The following TMEM129 variants were observed in gnomAD, a reference collection of about 807,000 sequenced individuals.
TMEM129 encodes transmembrane protein 129, E3 ubiquitin ligase, also known as E3 ubiquitin-protein ligase TM129.
Under a neutral mutation model 34.1 loss-of-function variants are expected in TMEM129, and 35 were observed. The observed-to-expected ratio is 1.03, with a 90% CI of 0.78 to 1.36. The LOEUF is 1.36. Ranked by LOEUF, TMEM129 falls within the 40% of genes most tolerant of loss-of-function variation. TMEM129 has a pLI of 0.00. For synonymous variants in TMEM129, 239 were observed against 217.3 expected (o/e 1.10, Z -0.88); for missense variants, 504 against 512.6 (o/e 0.98, Z 0.16).
intron 1 of TMEM129, among the ~76,000 whole-genome samples, chr4:1,719,804 C>G (rs1332600918): frequency 6.6e-6 from 1 of 152,180 alleles, no homozygotes; most frequent in Admixed American, 6.5e-5. Context: ...CCAGCCCACC[C>G]TCTCCATGAG....
intron 1 of TMEM129, 180 bp from the exon 2 acceptor site, chr4:1,718,806 T>C (rs1717122543): frequency 2.9e-6 from 4 of 1,402,270 alleles, no homozygotes; most frequent in East Asian, 2.6e-5. Flanking sequence ...AAAGGCAGGA[T>C]ATATTAGCGG....
Position 1,716,839 on chromosome 4 carries a change from G to A in TMEM129, c.*341C>T, listed in dbSNP as rs565027359. ...AAGTAAGGCAAATGGCCCAGATGACGACCACCTGGGGTAGACCCAGGGTCT... is the reference window on the plus strand; with the variant it reads ...AAGTAAGGCAAATGGCCCAGATGACAACCACCTGGGGTAGACCCAGGGTCT... On this transcript the variant is annotated 3_prime_UTR_variant, in exon 4 of 4. Coordinates refer to ENST00000382936, the MANE Select transcript of TMEM129 (RefSeq NM_001127266.2). 131 of 294,698 alleles carry A rather than the reference G, an allele frequency of 4.4e-4. 2 individuals carry two copies. The South Asian group carries it at 5.9e-3, about 13-fold the overall frequency. 18.3% of individuals were successfully genotyped at this position (294,698 alleles called of 1,614,324 possible).
chr4:1,718,664 G>A (rs1717114672), intron 1 of TMEM129, 38 bp from the exon 2 acceptor site: 16 of 1,437,380 alleles, frequency 1.1e-5, no homozygotes, highest in Non-Finnish European at 1.5e-5. Flanking sequence ...GAAAGTGAGT[G>A]GCAGGCCGCT....
At chr4:1,717,850 C>T (rs554437710) in intron 2 of TMEM129, 175 bp from the exon 3 acceptor site, 4 of 883,170 alleles carry the variant, frequency 4.5e-6, no homozygotes, top group East Asian at 2.7e-5. Flanking sequence ...ACGGGACGGA[C>T]CTAGGAGCAA....
chr4:1,718,830 T>C, intron 1 of TMEM129: 1 of 1,395,284 alleles, frequency 7.2e-7, no homozygotes. Flanking sequence ...AGGTTTTTAA[T>C]TTGCTGCTTT....
chr4:1,718,660 G>T, intron 1 of TMEM129, 34 bp from the exon 2 acceptor site: 1 of 1,438,626 alleles, frequency 7.0e-7, no homozygotes. Flanking sequence ...AGGGGAAAGT[G>T]AGTGGCAGGC....
chr4:1,718,992 TGAG>T, intron 1 of TMEM129: 1 of 1,267,270 alleles, frequency 7.9e-7, no homozygotes, highest in Non-Finnish European at 1.0e-6. Context: ...TCACCCGCTC[TGAG>T]GAGGCTGATC....
At chr4:1,717,866 C>CT in intron 2 of TMEM129, 191 bp from the exon 3 acceptor site, 1 of 781,470 alleles carries the variant, frequency 1.3e-6, no homozygotes, top group South Asian at 2.0e-5. Context: ...AGCAAGGCAG[C>CT]TGTCCAGCCT....
At position 1,720,588 on chromosome 4, in the gene TMEM129, C is replaced by G. The variant is rs1577200115; in HGVS notation, c.205+45G>C. ...GGCCTCCTCCTGACCTCCCAGCAAGCCCTGCGCAGGAGAGGATGCGGCCGG... is the reference window on the plus strand; with the variant it reads ...GGCCTCCTCCTGACCTCCCAGCAAGGCCTGCGCAGGAGAGGATGCGGCCGG... On this transcript the variant is annotated intron_variant, in intron 1 of 3. Coordinates refer to ENST00000382936, the MANE Select transcript of TMEM129 (RefSeq NM_001127266.2). The surrounding 1 kb of genome is among the most constrained non-coding windows in gnomAD (Gnocchi z 4.4). 2 of 1,512,684 alleles carry G rather than the reference C, an allele frequency of 1.3e-6. No homozygotes were observed. The highest frequency in any genetic ancestry group is 1.8e-6 in the Non-Finnish European group (2 of 1,134,140). The allele number at this position is 1,512,684 out of a possible 1,614,324, so 93.7% of individuals were successfully genotyped here. A position where few individuals can be genotyped will look rare whatever the true frequency, so the allele number is the denominator to read the frequency against.
In TMEM129 at chr4:1,717,142, G is replaced by A; in HGVS notation, c.*38C>T. On this transcript the variant is annotated 3_prime_UTR_variant, in exon 4 of 4. Transcript: ENST00000382936. ...ACCCCCTTCCCTGCCCTGTGGCTTT[G>A]GGGGGAGACACAGAGTCACCTCAAG... 7.1e-7 allele frequency: 1 copy of A among 1,404,514 alleles called. No individual in the cohort carries two copies. The highest frequency in any genetic ancestry group is 9.3e-7 in the Non-Finnish European group (1 of 1,078,730). 87.0% of individuals were successfully genotyped at this position (1,404,514 alleles called of 1,614,324 possible).
At position 1,721,100 on chromosome 4, in the gene TMEM129, CGCCGCTCG is replaced by C. The variant is rs1361703660; in HGVS notation, c.-271_-264del. 1.5e-5 allele frequency: 4 copies of C among 268,380 alleles called. No homozygotes were observed. Among genetic ancestry groups the C allele is most frequent in the Admixed American group, 1.1e-4 (2 of 18,206 alleles). 16.6% of individuals were successfully genotyped at this position (268,380 alleles called of 1,614,324 possible). A position where few individuals can be genotyped will look rare whatever the true frequency, so the allele number is the denominator to read the frequency against. ...CGGGGCACTCTAGGGCATGGAGTCCCGCCGCTCGGCCGCTCGCGGGGCGCTCTGGGAGA... is the reference window on the plus strand; with the variant it reads ...CGGGGCACTCTAGGGCATGGAGTCCCGCCGCTCGCGGGGCGCTCTGGGAGA... On this transcript the variant is annotated 5_prime_UTR_variant, in exon 1 of 4. It removes the in-frame stop codon of an upstream open reading frame in the 5' UTR. Transcript: ENST00000382936.
Position 1,720,721 on chromosome 4 carries a change from G to A in TMEM129, c.117C>T (p.Gly39=). Residue 39 remains glycine (G), a synonymous_variant, in exon 1 of 4, where the codon GGC becomes GGT. Coordinates refer to ENST00000382936, the MANE Select transcript of TMEM129 (RefSeq NM_001127266.2). The surrounding 1 kb of genome is among the most constrained non-coding windows in gnomAD (Gnocchi z 4.4). The stretch of plus-strand genomic sequence containing the variant: ...AGGCGGCGTCCTCGCTGCCCAGCCA[G>A]CCCGACAGCAGGTTCTGCACCGTGA... ...AGLTVQNLLS[G]WLGSEDAAFV... The A allele has an allele frequency of 5.8e-6, 9 of 1,562,852 alleles. No homozygotes were observed. The highest frequency in any genetic ancestry group is 7.8e-6 in the Non-Finnish European group (9 of 1,155,256).
chr4:1,721,204 G>T lies in TMEM129; in HGVS notation c.-367C>A. The T allele has an allele frequency of 5.7e-6, 1 of 175,566 alleles. No individual in the cohort carries two copies. Among genetic ancestry groups the T allele is most frequent in the Non-Finnish European group, 1.2e-5 (1 of 84,824 alleles). 10.9% of individuals were successfully genotyped at this position (175,566 alleles called of 1,614,324 possible). On this transcript the variant is annotated 5_prime_UTR_variant, in exon 1 of 4. An upstream open reading frame in the 5' UTR gains an earlier in-frame stop. Coordinates refer to ENST00000382936, the MANE Select transcript of TMEM129 (RefSeq NM_001127266.2). ...AGGCGGCACCGCACCTGTGCATTGAGCACAGGTGGGGAAACTTAGGCCTGA... is the reference window on the plus strand; with the variant it reads ...AGGCGGCACCGCACCTGTGCATTGATCACAGGTGGGGAAACTTAGGCCTGA...
At chr4:1,719,147 AGCCATGGAGAT>A in intron 1 of TMEM129, 1 of 876,146 alleles carries the variant, frequency 1.1e-6, no homozygotes, top group Admixed American at 2.3e-5. Context: ...GGTCCAAATA[AGCCATGGAGAT>A]GGTGAGGAGT....
chr4:1,719,294 C>T, intron 1 of TMEM129: 1 of 451,190 alleles, frequency 2.2e-6, no homozygotes, highest in Non-Finnish European at 4.5e-6. Context: ...TGGCTCACAC[C>T]TGTAATCCCA....
At chr4:1,718,057 C>A in intron 2 of TMEM129, 95 bp downstream of exon 2, 1 of 1,190,634 alleles carries the variant, frequency 8.4e-7, no homozygotes, top group Non-Finnish European at 1.2e-6. Flanking sequence ...GAGTCCACAC[C>A]AGCTACACCC....
Position 1,717,620 on chromosome 4 carries a change from T to C in TMEM129, c.736A>G (p.Arg246Gly). 6.5e-7 allele frequency: 1 copy of C among 1,548,168 alleles called. No individual in the cohort carries two copies. The highest frequency in any genetic ancestry group is 8.7e-7 in the Non-Finnish European group (1 of 1,145,532). ...LCEKLRAPIRRAAHVVIHQSL... is the reference protein window; with the variant it reads ...LCEKLRAPIRGAAHVVIHQSL... ...TGGTGGATGACCACATGGGCTGCCC[T>C]GCGGATGGGTGCCCGGAGCTTCTCG... Residue 246 changes from arginine to glycine, a missense_variant, in exon 3 of 4, where the codon AGG becomes GGG. Physicochemically the swap from Arg to Gly is moderately radical, Grantham distance 125. Coordinates refer to ENST00000382936, the MANE Select transcript of TMEM129 (RefSeq NM_001127266.2).
In TMEM129 at chr4:1,716,841, C is replaced by G. The variant is rs1356293508; in HGVS notation, c.*339G>C. 4 of 301,064 alleles carry G rather than the reference C, an allele frequency of 1.3e-5. No homozygotes were observed. The highest frequency in any genetic ancestry group is 2.5e-5 in the Non-Finnish European group (4 of 163,176). The allele number at this position is 301,064 out of a possible 1,614,324, so 18.6% of individuals were successfully genotyped here. ...GTAAGGCAAATGGCCCAGATGACGA[C>G]CACCTGGGGTAGACCCAGGGTCTCC... On this transcript the variant is annotated 3_prime_UTR_variant, in exon 4 of 4. Coordinates refer to ENST00000382936, the MANE Select transcript of TMEM129 (RefSeq NM_001127266.2).
Position 1,718,376 on chromosome 4 carries a change from A to T in TMEM129, c.456T>A (p.Ile152=). 1 of 1,611,762 alleles carries T rather than the reference A, an allele frequency of 6.2e-7. No individual in the cohort carries two copies. The highest frequency in any genetic ancestry group is 8.5e-7 in the Non-Finnish European group (1 of 1,179,148). ...ASSVNTEFRR[I]DKFATGAPGA... ...CTGGTGCACCGGTGGCAAACTTGTC[A>T]ATCCGCCGGAACTCAGTGTTGACAG... Residue 152 remains isoleucine (I), a synonymous_variant, in exon 2 of 4, where the codon ATT becomes ATA. Coordinates refer to ENST00000382936, the MANE Select transcript of TMEM129 (RefSeq NM_001127266.2).
Sources: gnomAD v4.1 joint callset for allele counts (sites outside exome capture counted in the v4.1 genomes callset) on GRCh38, gnomAD v4.1.1 for gene constraint, Gnocchi (gnomAD v3.1) non-coding constraint, MANE v1.5 for transcripts, NCBI Gene and HGNC (gene_info 2026-07-23, HGNC 2026-07-21) for gene names.